The following ZFPM2 variants were observed in gnomAD, a reference collection of about 807,000 sequenced individuals.
ZFPM2 encodes the protein zinc finger protein, FOG family member 2.
Under a neutral mutation model 98.6 loss-of-function variants are expected in ZFPM2, and 20 were observed. The ratio of observed to expected loss-of-function variants is 0.20; its 90% CI spans 0.14 to 0.29. The LOEUF (loss-of-function observed/expected upper bound fraction) is 0.29. Among genes scored for constraint, ZFPM2 ranks in the 10% least tolerant of loss-of-function variants. The pLI, the probability that ZFPM2 is intolerant of heterozygous loss-of-function variation, is 1.00. For synonymous variants in ZFPM2, 518 were observed against 502.7 expected, an observed-to-expected ratio of 1.03 and a Z score of -0.41; for missense variants, 1,310 against 1,388.6, an observed-to-expected ratio of 0.94 and a Z score of 0.90.
chr8:105,565,369 T>C (rs1815222432), intron 4 of ZFPM2, among the ~76,000 whole-genome samples: 2 of 152,200 alleles, frequency 1.3e-5, no homozygotes, highest in Non-Finnish European at 2.9e-5. Flanking sequence ...AGATACTTCA[T>C]GCTTTAAAAG....
At position 105,522,608 on chromosome 8, in the gene ZFPM2, A is replaced by T. The variant is rs189614321; in HGVS notation, c.302-38755A>T. On this transcript the variant is annotated intron_variant, in intron 3 of 7. Transcript: ENST00000407775. ...AACCTAGTGAAACCCTGTCTCTACT[A>T]AAAATACAAAAATTAGCTGGGCATG... is the stretch of plus-strand genomic sequence containing the variant. 8.2e-3 allele frequency among the ~76,000 whole-genome samples: 1,248 copies of T among 152,208 alleles called. 25 individuals are homozygous for T. The highest frequency in any genetic ancestry group is 4.7e-3 in the Non-Finnish European group (317 of 67,998).
intron 1 of ZFPM2, among the ~76,000 whole-genome samples, chr8:105,334,831 T>C (rs2129639953): frequency 6.6e-6 from 1 of 151,778 alleles, no homozygotes; most frequent in Non-Finnish European, 1.5e-5. Flanking sequence ...GTTGCTCTTT[T>C]TCGTACCTTA....
At chr8:105,385,371 A>G (rs1453004678) in intron 1 of ZFPM2, among the ~76,000 whole-genome samples, 1 of 152,200 alleles carries the variant, frequency 6.6e-6, no homozygotes, top group African/African-American at 2.4e-5. Flanking sequence ...TTGAGCAACT[A>G]CTTTATTTGT....
chr8:105,435,010 T>C (rs1812092818), intron 2 of ZFPM2, among the ~76,000 whole-genome samples: 2 of 152,202 alleles, frequency 1.3e-5, no homozygotes, highest in African/African-American at 4.8e-5. Flanking sequence ...AGCCACTGCT[T>C]TTACTATCTT....
chr8:105,763,420 A>G (rs1812781159), intron 5 of ZFPM2, among the ~76,000 whole-genome samples: 1 of 151,806 alleles, frequency 6.6e-6, no homozygotes, highest in Non-Finnish European at 1.5e-5. Context: ...TAGGGCCAAT[A>G]CCTTCTGGGA....
At chr8:105,344,305 C>T (rs1472169427) in intron 1 of ZFPM2, among the ~76,000 whole-genome samples, 7 of 152,132 alleles carry the variant, frequency 4.6e-5, no homozygotes, top group Admixed American at 3.3e-4. Flanking sequence ...AACAAGCTGT[C>T]AGAACTCTCA....
At chr8:105,426,640 T>G (rs193196777) in intron 2 of ZFPM2, among the ~76,000 whole-genome samples, 53 of 152,254 alleles carry the variant, frequency 3.5e-4, no homozygotes, top group East Asian at 2.7e-3. Context: ...CTTTTTAGAA[T>G]GTAAAATTAC....
Position 105,634,343 on chromosome 8 carries a change from T to C in ZFPM2, c.518T>C (p.Ile173Thr), listed in dbSNP as rs2130839797. The C allele has an allele frequency of 6.2e-7, 1 of 1,611,880 alleles. No homozygotes were observed. The highest frequency in any genetic ancestry group is 1.1e-5 in the South Asian group (1 of 90,484). The change falls in exon 5 of 8, where the codon ATT (isoleucine) becomes ACT (threonine). Residue 173 changes from isoleucine (I) to threonine (T), a missense_variant. Transcript: ENST00000407775. ...QGVEDNKNNC[I>T]VYSKGGQLWC... is the part of the protein sequence containing the mutation. ...GTGGAAGACAACAAAAACAACTGCATTGTGTACAGCAAAGGTAAATGCAAG... is the reference window on the plus strand; with the variant it reads ...GTGGAAGACAACAAAAACAACTGCACTGTGTACAGCAAAGGTAAATGCAAG...
chr8:105,676,674 A>G (rs1810476843), intron 5 of ZFPM2, among the ~76,000 whole-genome samples: 1 of 152,018 alleles, frequency 6.6e-6, no homozygotes. Context: ...ATTTGAAAAT[A>G]CCAAAATATC....
intron 1 of ZFPM2, among the ~76,000 whole-genome samples, chr8:105,326,858 A>T (rs1812124745): frequency 6.6e-6 from 1 of 150,524 alleles, no homozygotes. Context: ...ATATATATAT[A>T]TATAAAATAA....
At chr8:105,655,945 A>ATT (rs35547566) in intron 5 of ZFPM2, among the ~76,000 whole-genome samples, 320 of 151,038 alleles carry the variant, frequency 2.1e-3, no homozygotes, top group South Asian at 3.6e-3. Flanking sequence ...TCATTCATTC[A>ATT]TTTTTTTTTC....
At chr8:105,781,582 G>A (rs1160931856) in intron 5 of ZFPM2, among the ~76,000 whole-genome samples, 2 of 152,110 alleles carry the variant, frequency 1.3e-5, no homozygotes, top group Non-Finnish European at 2.9e-5. Context: ...TTAGCTGGGA[G>A]TGGTAGCACA....
Position 105,446,023 on chromosome 8 carries a change from C to T in ZFPM2, c.301+1642C>T, listed in dbSNP as rs567878356. Reference sequence around the variant, plus strand: ...ACAACCTCCGCTTCCCAAGTTAAAGCGATTCTCCTGCCTCAGCCTCCCAAG... The same window carrying T: ...ACAACCTCCGCTTCCCAAGTTAAAGTGATTCTCCTGCCTCAGCCTCCCAAG... On this transcript the variant is annotated intron_variant, in intron 3 of 7. Transcript: ENST00000407775. Among the ~76,000 whole-genome samples the T allele has an allele frequency of 7.2e-5, 11 of 151,908 alleles. No homozygotes were observed. In the East Asian group the frequency reaches 7.8e-4, roughly 11 times the overall value.
rs568790285 is a variant in ZFPM2, at chr8:105,498,626, C to T, written c.301+54245C>T. On this transcript the variant is annotated intron_variant, in intron 3 of 7. Transcript: ENST00000407775. The stretch of plus-strand genomic sequence containing the variant: ...GCATCTGCTCTTAGCACAGTTAAAT[C>T]CCTGCAAAATAGCCGTAACTTGAGT... Among the ~76,000 whole-genome samples the T allele has an allele frequency of 3.9e-5, 6 of 152,280 alleles. No homozygotes were observed. In the South Asian group the frequency reaches 1.0e-3, roughly 26 times the overall value.
intron 4 of ZFPM2, among the ~76,000 whole-genome samples, chr8:105,604,622 G>T (rs545925873): frequency 9.2e-5 from 14 of 151,952 alleles, no homozygotes; most frequent in Non-Finnish European, 1.9e-4. Flanking sequence ...TATAGAATTT[G>T]CTGGATTTTC....
At chr8:105,773,303 C>T (rs1813025390) in intron 5 of ZFPM2, among the ~76,000 whole-genome samples, 1 of 152,016 alleles carries the variant, frequency 6.6e-6, no homozygotes, top group Non-Finnish European at 1.5e-5. Flanking sequence ...TTATTTTAAA[C>T]TGTCATATAA....
intron 3 of ZFPM2, among the ~76,000 whole-genome samples, chr8:105,559,329 A>G (rs1020128281): frequency 6.6e-6 from 1 of 152,120 alleles, no homozygotes; most frequent in African/African-American, 2.4e-5. Context: ...AGACATTCGG[A>G]CTTATTGAAT....
intron 5 of ZFPM2, among the ~76,000 whole-genome samples, chr8:105,723,414 G>A (rs765042825): frequency 6.6e-6 from 1 of 151,792 alleles, no homozygotes; most frequent in African/African-American, 2.4e-5. Context: ...CATGTGAAAT[G>A]AGCCTCAAAG....
intron 3 of ZFPM2, among the ~76,000 whole-genome samples, chr8:105,518,119 C>T (rs1209373000): frequency 1.3e-5 from 2 of 152,146 alleles, no homozygotes; most frequent in Admixed American, 6.6e-5. Flanking sequence ...TCATAGACAC[C>T]TTTTTTGAAA....
Sources: gnomAD v4.1 joint callset for allele counts (sites outside exome capture counted in the v4.1 genomes callset) on GRCh38, gnomAD v4.1.1 for gene constraint, MANE v1.5 for transcripts, NCBI Gene and HGNC (gene_info 2026-07-23, HGNC 2026-07-21) for gene names.